HS3ST3A1: variants seen among roughly 807,000 people sequenced by gnomAD.
HS3ST3A1 encodes heparan sulfate-glucosamine 3-sulfotransferase 3A1.
Under a neutral mutation model 25.7 loss-of-function variants are expected in HS3ST3A1, and 19 were observed. The ratio of observed to expected loss-of-function variants is 0.74; its 90% CI spans 0.52 to 1.08. The LOEUF is 1.08. Among genes scored for constraint, HS3ST3A1 ranks in the 50% least tolerant of loss-of-function variants. The pLI is 0.00. For synonymous variants in HS3ST3A1, 226 were observed against 278.6 expected, an observed-to-expected ratio of 0.81 and a Z score of 1.88; for missense variants, 459 against 594.3, an observed-to-expected ratio of 0.77 and a Z score of 2.37.
intron 1 of HS3ST3A1, among the ~76,000 whole-genome samples, chr17:13,528,541 A>G (rs1906509107): frequency 6.6e-6 from 1 of 152,180 alleles, no homozygotes; most frequent in Non-Finnish European, 1.5e-5. Context: ...AGAGACTGTC[A>G]GGTCTGCATG....
intron 1 of HS3ST3A1, among the ~76,000 whole-genome samples, chr17:13,557,566 G>C (rs1412278367): frequency 6.6e-6 from 1 of 152,092 alleles, no homozygotes; most frequent in Non-Finnish European, 1.5e-5. Flanking sequence ...GAAATACTAA[G>C]AATAAAGAAT....
intron 1 of HS3ST3A1, among the ~76,000 whole-genome samples, chr17:13,562,778 G>A (rs1387138209): frequency 1.3e-5 from 2 of 152,110 alleles, no homozygotes; most frequent in Non-Finnish European, 2.9e-5. Context: ...TGAGCTCCAG[G>A]AGCCAGCGTT....
intron 1 of HS3ST3A1, among the ~76,000 whole-genome samples, chr17:13,550,725 C>CAAG (rs1014828650): frequency 6.6e-6 from 1 of 151,916 alleles, no homozygotes; most frequent in African/African-American, 2.4e-5. Context: ...ACAACAACAA[C>CAAG]AACAACAACA....
chr17:13,538,827 A>G (rs549491920), intron 1 of HS3ST3A1, among the ~76,000 whole-genome samples: 2 of 152,302 alleles, frequency 1.3e-5, no homozygotes, highest in East Asian at 3.9e-4. Context: ...TCTATAAAAC[A>G]AAATCTATCA....
intron 1 of HS3ST3A1, among the ~76,000 whole-genome samples, chr17:13,563,876 A>T (rs1364812713): frequency 6.6e-6 from 1 of 152,188 alleles, no homozygotes; most frequent in Non-Finnish European, 1.5e-5. Flanking sequence ...GACAACTTAA[A>T]GATCACAAAA....
intron 1 of HS3ST3A1, among the ~76,000 whole-genome samples, chr17:13,539,806 G>A (rs1289768118): frequency 6.6e-6 from 1 of 152,168 alleles, no homozygotes; most frequent in Non-Finnish European, 1.5e-5. Context: ...TTGTCGTTGA[G>A]CTTCTAAGAG....
At position 13,573,881 on chromosome 17, in the gene HS3ST3A1, G is replaced by C. The variant is rs1907881334; in HGVS notation, c.599+26650C>G. 2.0e-5 allele frequency among the ~76,000 whole-genome samples: 3 copies of C among 152,152 alleles called. No homozygotes were observed. The South Asian group carries it at 6.2e-4, about 32-fold the overall frequency. On this transcript the variant is annotated intron_variant, in intron 1 of 1. Coordinates refer to ENST00000284110, the MANE Select transcript of HS3ST3A1 (RefSeq NM_006042.3). ...TTGCCTCCTTCTCTCTGCTCTCTCT[G>C]ATATGTGAGAATACACAAGAAGATG...
intron 1 of HS3ST3A1, among the ~76,000 whole-genome samples, chr17:13,515,144 C>G (rs1906008529): frequency 6.6e-6 from 1 of 152,102 alleles, no homozygotes; most frequent in Non-Finnish European, 1.5e-5. Flanking sequence ...CACATTAGAT[C>G]TGAGACATAT....
chr17:13,540,619 A>T (rs1567618430), intron 1 of HS3ST3A1, among the ~76,000 whole-genome samples: 1 of 152,240 alleles, frequency 6.6e-6, no homozygotes. Flanking sequence ...ACCAGATATC[A>T]CTTTCAAAAT....
rs559826234 is a variant in HS3ST3A1, at chr17:13,495,454, C to T, written c.*743G>A. 2.0e-5 allele frequency among the ~76,000 whole-genome samples: 3 copies of T among 152,134 alleles called. No homozygotes were observed. The highest frequency in any genetic ancestry group is 4.4e-5 in the Non-Finnish European group (3 of 68,014). Reference sequence around the variant, plus strand: ...TTTAGAAAACAAGGGGCTCTCTTTCCCTTTTCATATCATCTGAAAACTACC... The same window carrying T: ...TTTAGAAAACAAGGGGCTCTCTTTCTCTTTTCATATCATCTGAAAACTACC... On this transcript the variant is annotated 3_prime_UTR_variant, in exon 2 of 2. Coordinates refer to ENST00000284110, the MANE Select transcript of HS3ST3A1 (RefSeq NM_006042.3).
chr17:13,532,466 C>A (rs949047594), intron 1 of HS3ST3A1, among the ~76,000 whole-genome samples: 1 of 152,018 alleles, frequency 6.6e-6, no homozygotes, highest in East Asian at 1.9e-4. Context: ...AACTGAGAAA[C>A]AAAGCCTAGC....
chr17:13,535,134 C>T (rs1193148250), intron 1 of HS3ST3A1, among the ~76,000 whole-genome samples: 2 of 152,182 alleles, frequency 1.3e-5, no homozygotes, highest in African/African-American at 2.4e-5. Context: ...TTTCTGGTCA[C>T]ATTTTGTCAA....
chr17:13,539,888 C>T (rs1477228241), intron 1 of HS3ST3A1, among the ~76,000 whole-genome samples: 1 of 152,156 alleles, frequency 6.6e-6, no homozygotes, highest in Non-Finnish European at 1.5e-5. Context: ...TAGAAGCTCA[C>T]CACCAACCAT....
rs552786294 is a variant in HS3ST3A1 at position 13,499,311 on chromosome 17, G to A, written c.600-2493C>T. 2.6e-5 allele frequency among the ~76,000 whole-genome samples: 4 copies of A among 152,330 alleles called. No individual in the cohort carries two copies. The East Asian group carries it at 7.7e-4, about 29-fold the overall frequency. ...TAATATAAAAGCTTATGTTACTCTT[G>A]TCTAAGGTGAGCCAGGAGATCTATC... On this transcript the variant is annotated intron_variant, in intron 1 of 1. Transcript: ENST00000284110.
At chr17:13,591,661 CTT>C (rs34995100) in intron 1 of HS3ST3A1, among the ~76,000 whole-genome samples, 275 of 142,256 alleles carry the variant, frequency 1.9e-3, no homozygotes, top group African/African-American at 6.4e-3. Flanking sequence ...TTTTCTTCTT[CTT>C]TTTTTTTTTT....
intron 1 of HS3ST3A1, among the ~76,000 whole-genome samples, chr17:13,525,728 G>C (rs551480665): frequency 1.3e-5 from 2 of 152,198 alleles, no homozygotes; most frequent in South Asian, 4.1e-4. Context: ...GTTTGATCAT[G>C]TTCCTTCCTG....
chr17:13,565,970 AT>A (rs1342513870), intron 1 of HS3ST3A1, among the ~76,000 whole-genome samples: 1 of 152,140 alleles, frequency 6.6e-6, no homozygotes, highest in African/African-American at 2.4e-5. Context: ...AAATCTTTTC[AT>A]TGTTAACGTT....
chr17:13,576,623 T>C (rs867324777), intron 1 of HS3ST3A1, among the ~76,000 whole-genome samples: 11 of 152,204 alleles, frequency 7.2e-5, no homozygotes, highest in African/African-American at 2.4e-4. Context: ...CAAGAGTATA[T>C]GACTTTGTGG....
At chr17:13,534,570 A>AAAAAAAAAC in intron 1 of HS3ST3A1, among the ~76,000 whole-genome samples, 1 of 147,666 alleles carries the variant, frequency 6.8e-6, no homozygotes, top group Non-Finnish European at 1.5e-5. Flanking sequence ...AAAAAAAAAA[A>AAAAAAAAAC]AAAAAAAGTT....
Sources: allele counts gnomAD v4.1 joint callset (sites outside exome capture counted in the v4.1 genomes callset), GRCh38; gene constraint gnomAD v4.1.1; transcripts MANE v1.5; gene names NCBI Gene and HGNC (gene_info 2026-07-23, HGNC 2026-07-21).